The following SCARA3 variants were observed in gnomAD, a reference collection of about 807,000 sequenced individuals.
The protein encoded by SCARA3 is scavenger receptor class A member 3.
In SCARA3, 39 loss-of-function variants were observed where a neutral mutation model predicts 47.0. That is an observed-to-expected ratio of 0.83 (90% CI 0.64 to 1.08). The LOEUF (loss-of-function observed/expected upper bound fraction) is 1.08, where lower values mean the gene tolerates loss of function less well. Among genes scored for constraint, SCARA3 ranks in the 50% least tolerant of loss-of-function variants. The pLI, the probability that SCARA3 is intolerant of heterozygous loss-of-function variation, is 0.00. For missense variants in SCARA3, 724 were observed against 792.3 expected (o/e 0.91, Z 1.04); for synonymous variants, 356 against 334.1 (o/e 1.07, Z -0.71).
chr8:27,644,055 G>A (rs1051110282), intron 1 of SCARA3, among the ~76,000 whole-genome samples: 1 of 151,958 alleles, frequency 6.6e-6, no homozygotes, highest in Non-Finnish European at 1.5e-5. Context: ...CTTGCTACGT[G>A]GCTCTGTGAG....
intron 5 of SCARA3, among the ~76,000 whole-genome samples, chr8:27,666,237 G>A (rs566574410): frequency 2.6e-5 from 4 of 152,334 alleles, no homozygotes; most frequent in African/African-American, 9.6e-5. Flanking sequence ...GCAGCCCTTT[G>A]TTGGTTTCTA....
chr8:27,726,779 GTATT>G, the SCARA3 span, among the ~76,000 whole-genome samples: 6 of 151,946 alleles, frequency 3.9e-5, no homozygotes, highest in Non-Finnish European at 5.9e-5. Context: ...TGCTTTGACA[GTATT>G]TATTTATTTA....
At chr8:27,639,547 T>C (rs1055754572) in intron 1 of SCARA3, among the ~76,000 whole-genome samples, 1 of 151,850 alleles carries the variant, frequency 6.6e-6, no homozygotes, top group Non-Finnish European at 1.5e-5. Flanking sequence ...TGGCCTGCAG[T>C]TGAGGGAGCC....
the SCARA3 span, among the ~76,000 whole-genome samples, chr8:27,726,021 C>T: frequency 6.6e-6 from 1 of 152,144 alleles, no homozygotes; most frequent in African/African-American, 2.4e-5. Flanking sequence ...CATTCATGCC[C>T]AGGCTTAGGT....
chr8:27,727,413 A>G, the SCARA3 span, among the ~76,000 whole-genome samples: 1 of 152,030 alleles, frequency 6.6e-6, no homozygotes, highest in East Asian at 1.9e-4. Context: ...ACCAGGGTTT[A>G]CTCTCTCCTG....
At chr8:27,666,114 G>A (rs915395903) in intron 5 of SCARA3, among the ~76,000 whole-genome samples, 7 of 152,204 alleles carry the variant, frequency 4.6e-5, no homozygotes, top group South Asian at 2.1e-4. Context: ...CAGGCCCAAC[G>A]AGTTACCTGC....
intron 5 of SCARA3, among the ~76,000 whole-genome samples, chr8:27,664,538 C>T (rs1801976474): frequency 6.6e-6 from 1 of 152,016 alleles, no homozygotes; most frequent in South Asian, 2.1e-4. Context: ...AAGGAGATGC[C>T]CAGAGAATGA....
At chr8:27,731,400 C>T in the SCARA3 span, among the ~76,000 whole-genome samples, 13 of 152,018 alleles carry the variant, frequency 8.6e-5, no homozygotes, top group South Asian at 1.7e-3. Flanking sequence ...ACTCTTCTGC[C>T]TCAGCTGTTG....
chr8:27,656,430 T>C lies in SCARA3; in HGVS notation c.227-352T>C, dbSNP rs1470695473. Among the ~76,000 whole-genome samples, 3 of 152,212 alleles carry C rather than the reference T, an allele frequency of 2.0e-5. No homozygotes were observed. In the East Asian group the frequency reaches 5.8e-4, roughly 29 times the overall value. ...TATGTAGCTGAAGAATGGTTATCAA[T>C]GTAGACAAGACTAGAAGAAATCCAT... On this transcript the variant is annotated intron_variant, in intron 3 of 5. Transcript: ENST00000301904.
At chr8:27,662,749 A>G (rs516125) in intron 5 of SCARA3, among the ~76,000 whole-genome samples, 53,346 of 152,112 alleles carry the variant, frequency 0.35, 10,528 homozygotes, top group South Asian at 0.52. Flanking sequence ...AGCAGTGGCT[A>G]TAGCTGGGTC....
intron 5 of SCARA3, among the ~76,000 whole-genome samples, chr8:27,661,549 T>TA (rs932291081): frequency 5.3e-5 from 8 of 152,138 alleles, no homozygotes; most frequent in African/African-American, 1.7e-4. Context: ...ATATATTCAT[T>TA]AAAAAAATAA....
At chr8:27,722,827 T>G in the SCARA3 span, among the ~76,000 whole-genome samples, 1 of 152,150 alleles carries the variant, frequency 6.6e-6, no homozygotes, top group Non-Finnish European at 1.5e-5. Context: ...ACACTGAAGG[T>G]CACACCATCT....
Position 27,638,967 on chromosome 8 carries a change from G to A in SCARA3, c.7+4760G>A, listed in dbSNP as rs369410370. 3.3e-5 allele frequency among the ~76,000 whole-genome samples: 5 copies of A among 152,210 alleles called. 1 individual carries two copies. Among genetic ancestry groups the A allele is most frequent in the African/African-American group, 1.2e-4 (5 of 41,540 alleles). On this transcript the variant is annotated intron_variant, in intron 1 of 5. Transcript: ENST00000301904. ...CCCGTTCCCTGAACAATCTCTCCCA[G>A]CCTCGAAGATGTGACATGTGGGAGC...
intron 3 of SCARA3, among the ~76,000 whole-genome samples, chr8:27,655,129 T>G (rs375686436): frequency 6.6e-6 from 1 of 152,196 alleles, no homozygotes; most frequent in South Asian, 2.1e-4. Flanking sequence ...AGCCTGGAGA[T>G]TCCAAATAAT....
At chr8:27,694,338 T>C in the SCARA3 span, among the ~76,000 whole-genome samples, 1 of 152,174 alleles carries the variant, frequency 6.6e-6, no homozygotes, top group Non-Finnish European at 1.5e-5. Flanking sequence ...AGCCTTATTC[T>C]TCCAACTTCA....
chr8:27,729,352 T>C, the SCARA3 span, among the ~76,000 whole-genome samples: 1 of 152,168 alleles, frequency 6.6e-6, no homozygotes, highest in Non-Finnish European at 1.5e-5. Flanking sequence ...GCTCACAGGA[T>C]GTGAGCCACT....
chr8:27,651,672 A>C, intron 3 of SCARA3, 45 bp downstream of exon 3: 1 of 1,606,076 alleles, frequency 6.2e-7, no homozygotes. Context: ...GGGGTGTCTG[A>C]TCAGGGATCC....
the SCARA3 span, among the ~76,000 whole-genome samples, chr8:27,696,238 G>A: frequency 6.6e-6 from 1 of 152,072 alleles, no homozygotes; most frequent in Non-Finnish European, 1.5e-5. Context: ...TCGAGCTCCT[G>A]GCCTCAAGCA....
rs1585300965 is a variant in SCARA3, at chr8:27,672,450, T to C, written c.*1099T>C. The C allele has an allele frequency of 2.0e-6, 2 of 985,596 alleles. No homozygotes were observed. Among genetic ancestry groups the C allele is most frequent in the Non-Finnish European group, 1.2e-6 (1 of 830,076 alleles). 61.1% of individuals were successfully genotyped at this position (985,596 alleles called of 1,614,324 possible). ...CTGCCCCATTCCCCAAGGGGGCTCC[T>C]CTGGAGTGGTGGGGAGGATTAGGCT... On this transcript the variant is annotated 3_prime_UTR_variant, in exon 6 of 6. Transcript: ENST00000301904.
Sources: allele counts gnomAD v4.1 joint callset (sites outside exome capture counted in the v4.1 genomes callset), GRCh38; gene constraint gnomAD v4.1.1; transcripts MANE v1.5; gene names NCBI Gene and HGNC (gene_info 2026-07-23, HGNC 2026-07-21).